SDC2: variants seen among roughly 807,000 people sequenced by gnomAD.
SDC2 encodes syndecan 2.
SDC2 carries 13 observed loss-of-function variants against 22.2 expected under a neutral mutation model. The ratio of observed to expected loss-of-function variants is 0.59; its 90% CI spans 0.38 to 0.93. The LOEUF (loss-of-function observed/expected upper bound fraction) is 0.93. Ranked by LOEUF, SDC2 falls within the 40% of genes least tolerant of loss-of-function variation. The pLI is 0.00. For synonymous variants in SDC2, 94 were observed against 92.8 expected (o/e 1.01, Z -0.07); for missense variants, 235 against 246.8 (o/e 0.95, Z 0.32).
chr8:96,590,511 T>C (rs994122322), intron 1 of SDC2, among the ~76,000 whole-genome samples: 2 of 152,220 alleles, frequency 1.3e-5, no homozygotes, highest in Admixed American at 1.3e-4. Flanking sequence ...CTTGTCTCCT[T>C]GTCCCAAGGG....
intron 1 of SDC2, among the ~76,000 whole-genome samples, chr8:96,513,178 A>T (rs1813353712): frequency 6.6e-6 from 1 of 152,224 alleles, no homozygotes; most frequent in African/African-American, 2.4e-5. Flanking sequence ...TATTCAAAAT[A>T]ACATGGTATT....
At chr8:96,554,946 C>T (rs1814085604) in intron 1 of SDC2, among the ~76,000 whole-genome samples, 1 of 152,088 alleles carries the variant, frequency 6.6e-6, no homozygotes, top group African/African-American at 2.4e-5. Flanking sequence ...GCTCTTTCTG[C>T]CTGGAACTCT....
At chr8:96,541,389 C>G (rs992338521) in intron 1 of SDC2, among the ~76,000 whole-genome samples, 5 of 151,682 alleles carry the variant, frequency 3.3e-5, no homozygotes, top group African/African-American at 7.3e-5. Flanking sequence ...CACCTGTGTT[C>G]CCAGCTACTC....
rs145356107 is a variant in SDC2 at position 96,530,027 on chromosome 8, G to A, written c.60+35696G>A. On this transcript the variant is annotated intron_variant, in intron 1 of 4. Transcript: ENST00000302190. Reference sequence around the variant, plus strand: ...AGTTTAAACCAGATTTAGTGGCAGGGGCGGGGGGAAGTAGACTTTCTCTGC... The same window carrying A: ...AGTTTAAACCAGATTTAGTGGCAGGAGCGGGGGGAAGTAGACTTTCTCTGC... Among the ~76,000 whole-genome samples the A allele has an allele frequency of 1.1e-3, 160 of 152,282 alleles. 2 individuals carry two copies. The East Asian group carries it at 0.03, about 28-fold the overall frequency.
At chr8:96,602,010 G>A (rs1410517003) in intron 2 of SDC2, among the ~76,000 whole-genome samples, 2 of 151,982 alleles carry the variant, frequency 1.3e-5, no homozygotes, top group Non-Finnish European at 2.9e-5. Flanking sequence ...CGCTCTCCTC[G>A]GCCTCCCAAA....
intron 1 of SDC2, among the ~76,000 whole-genome samples, chr8:96,511,736 G>T (rs1813331491): frequency 6.6e-6 from 1 of 151,918 alleles, no homozygotes; most frequent in Non-Finnish European, 1.5e-5. Flanking sequence ...GATAATGGAA[G>T]AGTTCAGGAG....
At chr8:96,513,330 TAATA>T (rs1177262733) in intron 1 of SDC2, among the ~76,000 whole-genome samples, 1 of 152,248 alleles carries the variant, frequency 6.6e-6, no homozygotes, top group African/African-American at 2.4e-5. Context: ...ATTGTTGGTT[TAATA>T]AATATTAAGA....
At chr8:96,501,129 T>G (rs76815759) in intron 1 of SDC2, among the ~76,000 whole-genome samples, 1 of 150,996 alleles carries the variant, frequency 6.6e-6, no homozygotes, top group Admixed American at 6.6e-5. Context: ...CATTTTGGTG[T>G]TTTTTTTTAT....
intron 2 of SDC2, among the ~76,000 whole-genome samples, chr8:96,600,808 T>C (rs1814969015): frequency 6.6e-6 from 1 of 152,192 alleles, no homozygotes; most frequent in Admixed American, 6.5e-5. Context: ...CAGAGGTGTG[T>C]TGTACCTTTG....
At chr8:96,554,406 C>T (rs774751578) in intron 1 of SDC2, among the ~76,000 whole-genome samples, 2 of 151,762 alleles carry the variant, frequency 1.3e-5, no homozygotes, top group Non-Finnish European at 2.9e-5. Context: ...TCTTTGGGCA[C>T]ATGTTTCTTA....
At chr8:96,552,993 A>T (rs1036236242) in intron 1 of SDC2, among the ~76,000 whole-genome samples, 2 of 152,204 alleles carry the variant, frequency 1.3e-5, no homozygotes, top group Non-Finnish European at 2.9e-5. Context: ...TTATAACCAG[A>T]CTGATGAAAA....
At chr8:96,566,941 C>T (rs1482222609) in intron 1 of SDC2, among the ~76,000 whole-genome samples, 2 of 152,052 alleles carry the variant, frequency 1.3e-5, no homozygotes, top group Non-Finnish European at 2.9e-5. Context: ...GCAACCTTTG[C>T]CTCTCAAGTT....
At chr8:96,550,220 T>C (rs1814005239) in intron 1 of SDC2, among the ~76,000 whole-genome samples, 1 of 152,154 alleles carries the variant, frequency 6.6e-6, no homozygotes, top group South Asian at 2.1e-4. Context: ...CAGGTTGGGG[T>C]TCCAAAAATC....
At position 96,547,953 on chromosome 8, in the gene SDC2, G is replaced by A. The variant is rs185912317; in HGVS notation, c.61-45527G>A. On this transcript the variant is annotated intron_variant, in intron 1 of 4. Transcript: ENST00000302190. Reference sequence around the variant, plus strand: ...ATTTTGTTTAATTTTTTGTAGAGATGGTTTTGCTATGTTGCCCAGGCTGGT... The same window carrying A: ...ATTTTGTTTAATTTTTTGTAGAGATAGTTTTGCTATGTTGCCCAGGCTGGT... Among the ~76,000 whole-genome samples the A allele has an allele frequency of 7.2e-5, 11 of 152,108 alleles. No individual in the cohort carries two copies. The East Asian group carries it at 1.9e-3, about 27-fold the overall frequency.
chr8:96,517,669 A>T (rs1429304945), intron 1 of SDC2, among the ~76,000 whole-genome samples: 2 of 151,924 alleles, frequency 1.3e-5, no homozygotes, highest in Non-Finnish European at 2.9e-5. Flanking sequence ...CTGCACTCTC[A>T]ATTCTGTTCC....
At chr8:96,588,078 G>A (rs1269191315) in intron 1 of SDC2, among the ~76,000 whole-genome samples, 2 of 152,130 alleles carry the variant, frequency 1.3e-5, no homozygotes, top group Non-Finnish European at 2.9e-5. Flanking sequence ...TTTTGAACCC[G>A]AGGCTGAATG....
chr8:96,562,863 G>A (rs1359240252), intron 1 of SDC2, among the ~76,000 whole-genome samples: 1 of 152,088 alleles, frequency 6.6e-6, no homozygotes, highest in Non-Finnish European at 1.5e-5. Context: ...GTGGAGCCAA[G>A]GTGAATTTAG....
At chr8:96,535,362 C>T (rs574465115) in intron 1 of SDC2, among the ~76,000 whole-genome samples, 1 of 152,298 alleles carries the variant, frequency 6.6e-6, no homozygotes, top group African/African-American at 2.4e-5. Context: ...CATACTTAAA[C>T]TAAAAATTAT....
intron 1 of SDC2, among the ~76,000 whole-genome samples, chr8:96,582,546 A>C (rs192416603): frequency 2.7e-4 from 41 of 152,320 alleles, no homozygotes; most frequent in Admixed American, 2.3e-3. Context: ...GGCTCCCAGT[A>C]TAAGGAACCA....
Sources: allele counts gnomAD v4.1 joint callset (sites outside exome capture counted in the v4.1 genomes callset), GRCh38; gene constraint gnomAD v4.1.1; transcripts MANE v1.5; gene names NCBI Gene and HGNC (gene_info 2026-07-23, HGNC 2026-07-21).